The following ARL13B variants were observed in gnomAD, a reference collection of about 807,000 sequenced individuals.
The protein encoded by ARL13B is ADP-ribosylation factor-like protein 13B.
In ARL13B, 36 loss-of-function variants were observed where a neutral mutation model predicts 56.1. The ratio of observed to expected loss-of-function variants is 0.64; its 90% CI spans 0.49 to 0.85. The LOEUF is 0.85. ARL13B is among the 40% of genes least tolerant of loss of function. ARL13B has a pLI of 0.00. For synonymous variants in ARL13B, 178 were observed against 171.1 expected (o/e 1.04, Z -0.32); for missense variants, 519 against 507.1 (o/e 1.02, Z -0.23).
chr3:93,987,692 A>G (rs1710535246), intron 1 of ARL13B, among the ~76,000 whole-genome samples: 1 of 152,188 alleles, frequency 6.6e-6, no homozygotes, highest in Non-Finnish European at 1.5e-5. Context: ...TCTATTGCCT[A>G]GGCTGGAGTG....
intron 3 of ARL13B, chr3:94,014,338 A>G (rs751885317): frequency 1.4e-6 from 2 of 1,439,314 alleles, no homozygotes; most frequent in Non-Finnish European, 1.9e-6. Context: ...ACTGAAATAT[A>G]AGCTATCTTT....
At chr3:94,004,133 T>C (rs1351592722) in intron 3 of ARL13B, among the ~76,000 whole-genome samples, 1 of 152,164 alleles carries the variant, frequency 6.6e-6, no homozygotes, top group African/African-American at 2.4e-5. Context: ...CTCTTCGATA[T>C]TCAAATATAA....
At chr3:94,051,269 C>A (rs2077063400) in intron 9 of ARL13B, among the ~76,000 whole-genome samples, 1 of 151,988 alleles carries the variant, frequency 6.6e-6, no homozygotes, top group East Asian at 1.9e-4. Context: ...GCTCAATATA[C>A]TCAATGATAA....
At chr3:94,042,911 C>A in intron 6 of ARL13B, 104 bp from the exon 7 acceptor site, 1 of 882,256 alleles carries the variant, frequency 1.1e-6, no homozygotes, top group Non-Finnish European at 1.7e-6. Context: ...CTCACAGTGT[C>A]CTTGAAGTTA....
chr3:94,041,138 A>G (rs1463782958), intron 6 of ARL13B, among the ~76,000 whole-genome samples: 2 of 151,776 alleles, frequency 1.3e-5, no homozygotes, highest in Admixed American at 6.6e-5. Context: ...CTTTTTTAGC[A>G]TGTTTCTTGG....
intron 2 of ARL13B, chr3:93,996,571 T>G (rs1361794505): frequency 2.9e-6 from 1 of 347,240 alleles, no homozygotes; most frequent in Non-Finnish European, 5.9e-6. Flanking sequence ...AGAGATGGGG[T>G]CTCCCTATGT....
intron 8 of ARL13B, among the ~76,000 whole-genome samples, chr3:94,050,015 T>A (rs915125044): frequency 2.2e-4 from 32 of 145,280 alleles, no homozygotes; most frequent in Non-Finnish European, 4.2e-4. Context: ...AAAAAAAAAA[T>A]TAGCTGGGCG....
In ARL13B at chr3:94,054,380, G is replaced by A. The variant is rs947505057; in HGVS notation, c.*1117G>A. 9.3e-5 allele frequency: 39 copies of A among 418,338 alleles called. No homozygotes were observed. The Admixed American group carries it at 9.6e-4, about 10-fold the overall frequency. The allele number at this position is 418,338 out of a possible 1,614,324, so 25.9% of individuals were successfully genotyped here. A position where few individuals can be genotyped will look rare whatever the true frequency, so the allele number is the denominator to read the frequency against. On this transcript the variant is annotated 3_prime_UTR_variant, in exon 10 of 10. Transcript: ENST00000394222. ...AATTTAAAATGATAGCACTTCTCTT[G>A]CACTTAAGAATGGCATCCATAAGAT...
At chr3:94,048,507 G>C (rs577088348) in intron 7 of ARL13B, among the ~76,000 whole-genome samples, 1 of 152,246 alleles carries the variant, frequency 6.6e-6, no homozygotes, top group Non-Finnish European at 1.5e-5. Context: ...AATTCTGCTA[G>C]TTCTAATGCG....
At position 94,035,448 on chromosome 3, in the gene ARL13B, T is replaced by TA; in HGVS notation, c.486+12_486+13insA. On this transcript the variant is annotated intron_variant, in intron 4 of 9. Coordinates refer to ENST00000394222, the MANE Select transcript of ARL13B (RefSeq NM_001174150.2). Reference sequence around the variant, plus strand: ...GCCTGTGTCAGATAGTAAGGTTTTTTTTTTTTTTTTAATTTTAATTTTTTG... The same window carrying TA: ...GCCTGTGTCAGATAGTAAGGTTTTTTATTTTTTTTTTAATTTTAATTTTTTG... 2 of 1,546,576 alleles carry TA rather than the reference T, an allele frequency of 1.3e-6. No homozygotes were observed. The highest frequency in any genetic ancestry group is 1.8e-6 in the Non-Finnish European group (2 of 1,139,530).
intron 3 of ARL13B, among the ~76,000 whole-genome samples, chr3:94,025,656 A>G (rs1487384145): frequency 1.3e-5 from 2 of 152,186 alleles, no homozygotes; most frequent in African/African-American, 2.4e-5. Context: ...TTATGGATAC[A>G]TTGAGGCTAT....
intron 1 of ARL13B, chr3:93,988,709 C>T (rs2107345182): frequency 2.2e-6 from 1 of 456,798 alleles, no homozygotes; most frequent in Non-Finnish European, 4.4e-6. Flanking sequence ...TCGTTTTCTG[C>T]AGGTAAATCT....
chr3:93,993,429 T>A (rs2107370434), intron 1 of ARL13B, among the ~76,000 whole-genome samples: 1 of 152,168 alleles, frequency 6.6e-6, no homozygotes, highest in South Asian at 2.1e-4. Flanking sequence ...ACTTGGCCTG[T>A]TTTATTTTTG....
Position 94,055,326 on chromosome 3 carries a change from G to T in ARL13B, c.*2063G>T, listed in dbSNP as rs754245740. ...TGGTAGATTTAAATGATTTCCTTTG[G>T]GTAATAAAATAGGTAAAGATTTTAA... is the stretch of plus-strand genomic sequence containing the variant. On this transcript the variant is annotated 3_prime_UTR_variant, in exon 10 of 10. Transcript: ENST00000394222. 1 of 430,018 alleles carries T rather than the reference G, an allele frequency of 2.3e-6. No homozygotes were observed. The highest frequency in any genetic ancestry group is 2.5e-5 in the Admixed American group (1 of 39,546). 26.6% of individuals were successfully genotyped at this position (430,018 alleles called of 1,614,324 possible). A position where few individuals can be genotyped will look rare whatever the true frequency, so the allele number is the denominator to read the frequency against.
chr3:94,021,515 G>T (rs2076448751), intron 3 of ARL13B, among the ~76,000 whole-genome samples: 1 of 152,096 alleles, frequency 6.6e-6, no homozygotes, highest in African/African-American at 2.4e-5. Flanking sequence ...TAAAATATTT[G>T]ATGCTTATCC....
intron 3 of ARL13B, among the ~76,000 whole-genome samples, chr3:94,028,037 A>G (rs897362509): frequency 1.1e-4 from 17 of 152,184 alleles, no homozygotes; most frequent in African/African-American, 4.1e-4. Flanking sequence ...TAGTCTGTCT[A>G]TAAAAGAAAT....
intron 3 of ARL13B, among the ~76,000 whole-genome samples, chr3:94,024,942 A>G (rs574497071): frequency 3.9e-5 from 6 of 152,318 alleles, no homozygotes; most frequent in South Asian, 2.1e-4. Context: ...CTAAAGCATC[A>G]TAGTTTAAAA....
Position 94,039,986 on chromosome 3 carries a change from G to A in ARL13B, c.796G>A (p.Glu266Lys). Residue 266 changes from glutamate to lysine, a missense_variant and splice_region_variant, in exon 6 of 10, where the codon GAG becomes AAG. By Grantham distance (56) the Glu-to-Lys change is moderately conservative. Transcript: ENST00000394222. ...PFQPIASVII[E>K]NEGKLEREKK... Reference sequence around the variant, plus strand: ...CCAGCCAATAGCATCTGTAATCATTGAGGTATGAATGATGGCAAATGTAAT... The same window carrying A: ...CCAGCCAATAGCATCTGTAATCATTAAGGTATGAATGATGGCAAATGTAAT... 2 of 1,611,822 alleles carry A rather than the reference G, an allele frequency of 1.2e-6. No homozygotes were observed. Among genetic ancestry groups the A allele is most frequent in the Non-Finnish European group, 1.7e-6 (2 of 1,178,108 alleles).
intron 3 of ARL13B, among the ~76,000 whole-genome samples, chr3:94,024,299 C>T (rs1234304530): frequency 1.3e-5 from 2 of 152,012 alleles, no homozygotes; most frequent in Non-Finnish European, 2.9e-5. Flanking sequence ...CTGGGTTGCA[C>T]CCGTGTAAAT....
Sources: allele counts gnomAD v4.1 joint callset (sites outside exome capture counted in the v4.1 genomes callset), GRCh38; gene constraint gnomAD v4.1.1; transcripts MANE v1.5; gene names NCBI Gene and HGNC (gene_info 2026-07-23, HGNC 2026-07-21).